Variants in PDE1C observed in about 807,000 individuals in gnomAD.
The protein encoded by PDE1C is dual specificity calcium/calmodulin-dependent 3',5'-cyclic nucleotide phosphodiesterase 1C.
A neutral mutation model predicts 93.1 loss-of-function variants in PDE1C; 62 were observed. That is an observed-to-expected ratio of 0.67 (90% CI 0.54 to 0.82). The LOEUF (loss-of-function observed/expected upper bound fraction) is 0.82. Among genes scored for constraint, PDE1C ranks in the 40% least tolerant of loss-of-function variants. PDE1C has a pLI of 0.00. For missense variants in PDE1C, 742 were observed against 884.6 expected, an observed-to-expected ratio of 0.84 and a Z score of 2.04; for synonymous variants, 325 against 310.1, an observed-to-expected ratio of 1.05 and a Z score of -0.50.
rs906097023 is a variant in PDE1C, at chr7:32,251,394, G to A, written c.86-41855C>T. 5.3e-5 allele frequency among the ~76,000 whole-genome samples: 8 copies of A among 152,116 alleles called. No individual in the cohort carries two copies. The East Asian group carries it at 7.7e-4, about 15-fold the overall frequency. On this transcript the variant is annotated intron_variant, in intron 1 of 18. Coordinates refer to the PDE1C transcript ENST00000396193. Reference sequence around the variant, plus strand: ...CAGGCAAGGGCACCATCATCTACCCGGTTTTCCAGACCAGGCACCTTCGTC... The same window carrying A: ...CAGGCAAGGGCACCATCATCTACCCAGTTTTCCAGACCAGGCACCTTCGTC...
chr7:31,864,884 C>G, intron 7 of PDE1C, 58 bp downstream of exon 7: 1 of 1,543,226 alleles, frequency 6.5e-7, no homozygotes, highest in Non-Finnish European at 8.9e-7. Context: ...GAACAGTCAC[C>G]ATTAAAAACT....
intron 1 of PDE1C, among the ~76,000 whole-genome samples, chr7:32,348,681 A>G (rs137950042): frequency 0.011 from 1,667 of 152,250 alleles, 19 homozygotes; most frequent in Middle Eastern, 0.02. Flanking sequence ...GCTTTTTAAC[A>G]GTGGCCTTCT....
At chr7:31,746,117 T>C in the PDE1C span, among the ~76,000 whole-genome samples, 1 of 152,136 alleles carries the variant, frequency 6.6e-6, no homozygotes, top group African/African-American at 2.4e-5. Flanking sequence ...TTCATGTTTC[T>C]CTTGATAAAG....
intron 3 of PDE1C, among the ~76,000 whole-genome samples, chr7:32,143,463 C>A (rs1018759185): frequency 1.3e-5 from 2 of 151,840 alleles, no homozygotes; most frequent in Non-Finnish European, 2.9e-5. Flanking sequence ...TGTCACTGAC[C>A]GTGACTTTAC....
the PDE1C span, among the ~76,000 whole-genome samples, chr7:31,736,343 G>T: frequency 2.6e-5 from 4 of 152,242 alleles, no homozygotes; most frequent in Non-Finnish European, 4.4e-5. Flanking sequence ...GAATAATCCT[G>T]CCTAATAGAC....
chr7:31,945,718 T>C (rs565713537), intron 2 of PDE1C, among the ~76,000 whole-genome samples: 23 of 152,304 alleles, frequency 1.5e-4, no homozygotes, highest in African/African-American at 5.5e-4. Flanking sequence ...TATATGTCAT[T>C]AGTTTTAAAA....
intron 2 of PDE1C, among the ~76,000 whole-genome samples, chr7:31,885,635 T>G (rs938503345): frequency 6.6e-6 from 1 of 152,210 alleles, no homozygotes; most frequent in African/African-American, 2.4e-5. Flanking sequence ...AGAGGGGAAC[T>G]ATGTGAGGAA....
chr7:32,332,807 A>G (rs1157684768), intron 1 of PDE1C, among the ~76,000 whole-genome samples: 1 of 152,200 alleles, frequency 6.6e-6, no homozygotes, highest in Non-Finnish European at 1.5e-5. Context: ...CTATGATTCA[A>G]TTTACAGTAA....
intron 2 of PDE1C, chr7:31,893,493 C>T (rs1283159456): frequency 4.1e-6 from 4 of 984,740 alleles, no homozygotes; most frequent in Non-Finnish European, 4.8e-6. Flanking sequence ...AGTCCCATCT[C>T]ACTTGCCAGC....
intron 1 of PDE1C, among the ~76,000 whole-genome samples, chr7:32,315,592 C>G (rs1262725456): frequency 1.3e-5 from 2 of 152,146 alleles, no homozygotes; most frequent in Non-Finnish European, 2.9e-5. Context: ...TATATGTATC[C>G]TCCAAATTTT....
At chr7:32,324,165 A>G (rs1461358764) in intron 1 of PDE1C, among the ~76,000 whole-genome samples, 1 of 152,250 alleles carries the variant, frequency 6.6e-6, no homozygotes, top group Non-Finnish European at 1.5e-5. Flanking sequence ...GAACTCAGCC[A>G]TGTTCACTTA....
At chr7:31,848,579 C>T (rs1356132868) in intron 8 of PDE1C, among the ~76,000 whole-genome samples, 1 of 151,986 alleles carries the variant, frequency 6.6e-6, no homozygotes, top group Non-Finnish European at 1.5e-5. Context: ...TTTTTCCATG[C>T]AAAAGCCACA....
At chr7:31,643,456 G>GA in the PDE1C span, 1 of 1,613,992 alleles carries the variant, frequency 6.2e-7, no homozygotes, top group Non-Finnish European at 8.5e-7. Flanking sequence ...AGCTGAGATG[G>GA]AAAACCTTCC....
At chr7:32,335,307 G>A (rs1783598190) in intron 1 of PDE1C, among the ~76,000 whole-genome samples, 1 of 152,128 alleles carries the variant, frequency 6.6e-6, no homozygotes, top group Non-Finnish European at 1.5e-5. Flanking sequence ...CCTCACTTGG[G>A]CCCTAAGGGA....
rs556841287 is a variant in PDE1C at position 31,782,438 on chromosome 7, C to A, written c.1892-6706G>T. On this transcript the variant is annotated intron_variant, in intron 16 of 17. Coordinates refer to ENST00000396191, the MANE Select transcript of PDE1C (RefSeq NM_001191057.4). ...CCAAATTGAGTAAATTCTATTTTTACTTTAAGAAAAAAATTAAAAATATGT... is the reference window on the plus strand; with the variant it reads ...CCAAATTGAGTAAATTCTATTTTTAATTTAAGAAAAAAATTAAAAATATGT... Among the ~76,000 whole-genome samples the A allele has an allele frequency of 2.3e-4, 35 of 152,226 alleles. No homozygotes were observed. In the South Asian group the frequency reaches 7.1e-3, roughly 31 times the overall value.
At chr7:31,987,543 C>A (rs1049046065) in intron 2 of PDE1C, among the ~76,000 whole-genome samples, 3 of 152,218 alleles carry the variant, frequency 2.0e-5, no homozygotes, top group African/African-American at 7.2e-5. Context: ...CTGCAGTCTC[C>A]TCACAGAGCT....
At chr7:32,280,731 C>T (rs545254241) in intron 1 of PDE1C, among the ~76,000 whole-genome samples, 2 of 152,210 alleles carry the variant, frequency 1.3e-5, no homozygotes, top group East Asian at 3.9e-4. Context: ...ATAGCCTGGG[C>T]GAAGTTGTTG....
chr7:31,880,215 G>A (rs757037133), intron 3 of PDE1C, among the ~76,000 whole-genome samples: 3 of 152,064 alleles, frequency 2.0e-5, no homozygotes, highest in Admixed American at 1.3e-4. Context: ...ACTTTCAAAC[G>A]TATGTAGTAA....
Position 32,388,837 on chromosome 7 carries a change from G to A in PDE1C, c.310+38985C>T, listed in dbSNP as rs539608381. 2.0e-3 allele frequency among the ~76,000 whole-genome samples: 312 copies of A among 152,196 alleles called. 2 individuals carry two copies. The highest frequency in any genetic ancestry group is 3.4e-3 in the Non-Finnish European group (234 of 68,022). On this transcript the variant is annotated intron_variant, in intron 1 of 1. Transcript: ENST00000672256. The stretch of plus-strand genomic sequence containing the variant: ...AGAATAGGACCCAAAAGGGGAGGGG[G>A]AAACCGTCTAGAGAATTCTTAATCA...
Sources: gnomAD v4.1 joint callset for allele counts (sites outside exome capture counted in the v4.1 genomes callset) on GRCh38, gnomAD v4.1.1 for gene constraint, MANE v1.5 for transcripts, NCBI Gene and HGNC (gene_info 2026-07-23, HGNC 2026-07-21) for gene names.